Variants in DAB1 observed in about 807,000 individuals in gnomAD.
The protein encoded by DAB1 is disabled homolog 1.
Under a neutral mutation model 64.6 loss-of-function variants are expected in DAB1, and 15 were observed. The observed-to-expected ratio is 0.23, with a 90% CI of 0.16 to 0.36. The LOEUF is 0.36. Ranked by LOEUF, DAB1 falls within the 10% of genes least tolerant of loss-of-function variation. The probability of loss-of-function intolerance (pLI) is 1.00; values close to 1 mark genes in which losing one functional copy is unlikely to be tolerated. For missense variants in DAB1, 596 were observed against 706.7 expected (o/e 0.84, Z 1.78); for synonymous variants, 235 against 251.9 (o/e 0.93, Z 0.64).
intron 5 of DAB1, among the ~76,000 whole-genome samples, chr1:58,104,581 A>C (rs1049130047): frequency 3.3e-5 from 5 of 152,228 alleles, no homozygotes; most frequent in African/African-American, 1.2e-4. Context: ...CAGCCGGTTC[A>C]GAAACAAATT....
chr1:57,606,163 A>T, intron 7 of DAB1: 1 of 359,094 alleles, frequency 2.8e-6, no homozygotes, highest in Non-Finnish European at 5.3e-6. Context: ...GTGAATTGCC[A>T]CCTCCGGCTC....
intron 7 of DAB1, among the ~76,000 whole-genome samples, chr1:57,488,005 C>T (rs867611286): frequency 1.3e-5 from 2 of 152,104 alleles, no homozygotes; most frequent in African/African-American, 4.8e-5. Flanking sequence ...TCTTATATTG[C>T]TATTGAGTAT....
chr1:57,555,632 G>A (rs762517693), intron 7 of DAB1, among the ~76,000 whole-genome samples: 4 of 152,124 alleles, frequency 2.6e-5, no homozygotes, highest in Non-Finnish European at 4.4e-5. Flanking sequence ...GAAAGGAAAA[G>A]CCATGGCTCT....
intron 5 of DAB1, among the ~76,000 whole-genome samples, chr1:58,105,715 G>C (rs1651592450): frequency 6.6e-6 from 1 of 152,160 alleles, no homozygotes; most frequent in Non-Finnish European, 1.5e-5. Context: ...GGCTGTGCAA[G>C]GCACTTAGGA....
intron 7 of DAB1, among the ~76,000 whole-genome samples, chr1:57,475,232 A>C (rs1643921512): frequency 6.6e-6 from 1 of 152,124 alleles, no homozygotes; most frequent in Admixed American, 6.5e-5. Context: ...AGCTGATATC[A>C]TGCCACTGCA....
rs760849045 is a variant in DAB1, at chr1:57,463,022, T to C, written n.626-171856A>G. ...ACCATTAGATCTACAAGAAAAGAAA[T>C]ATAACAATATAATATATAAAATGAA... On this transcript the variant is annotated intron_variant and non_coding_transcript_variant, in intron 7 of 20. Coordinates refer to the DAB1 transcript ENST00000485760. Among the ~76,000 whole-genome samples the C allele has an allele frequency of 3.0e-4, 45 of 152,236 alleles. No individual in the cohort carries two copies. The Middle Eastern group carries it at 0.014, about 46-fold the overall frequency.
chr1:57,607,048 A>G (rs1412696112), intron 7 of DAB1, among the ~76,000 whole-genome samples: 2 of 52,558 alleles, frequency 3.8e-5, no homozygotes, highest in East Asian at 7.3e-4. Context: ...CGGCCTCCCA[A>G]TGTGCTGGGA....
intron 5 of DAB1, among the ~76,000 whole-genome samples, chr1:58,023,795 C>T (rs1185756626): frequency 6.6e-6 from 1 of 152,198 alleles, no homozygotes; most frequent in Non-Finnish European, 1.5e-5. Context: ...TTGGACCCAG[C>T]ATCTAACTAA....
chr1:57,143,781 A>C (rs1226806477), intron 3 of DAB1, among the ~76,000 whole-genome samples: 1 of 151,940 alleles, frequency 6.6e-6, no homozygotes, highest in Non-Finnish European at 1.5e-5. Context: ...CACATTTTAC[A>C]TTTATGCATT....
intron 1 of DAB1, among the ~76,000 whole-genome samples, chr1:57,849,498 C>A (rs1653427264): frequency 6.6e-6 from 1 of 152,130 alleles, no homozygotes; most frequent in Non-Finnish European, 1.5e-5. Context: ...AATTTCAGAT[C>A]CAATAGGATC....
In DAB1 at chr1:57,443,121, CT is replaced by C. The variant is rs1203333589; in HGVS notation, n.626-151956del. 5.3e-5 allele frequency among the ~76,000 whole-genome samples: 8 copies of C among 152,316 alleles called. No individual in the cohort carries two copies. The South Asian group carries it at 6.2e-4, about 12-fold the overall frequency. On this transcript the variant is annotated intron_variant and non_coding_transcript_variant, in intron 7 of 20. Coordinates refer to the DAB1 transcript ENST00000485760. ...TCTTCCAGAAATAAATTAACATAGC[CT>C]GCCAAATTCTAAAAGAGGACACTTA...
intron 11 of DAB1, among the ~76,000 whole-genome samples, chr1:57,018,805 G>A (rs917760521): frequency 6.6e-6 from 1 of 152,172 alleles, no homozygotes; most frequent in African/African-American, 2.4e-5. Context: ...ATGCGTCCTT[G>A]GGGGTCAGCT....
intron 6 of DAB1, among the ~76,000 whole-genome samples, chr1:57,733,074 C>T (rs952031331): frequency 1.1e-4 from 17 of 151,942 alleles, no homozygotes; most frequent in Non-Finnish European, 2.4e-4. Flanking sequence ...GAGCTATATA[C>T]CAAGGACTTG....
At chr1:57,342,165 T>A (rs1677644397) in intron 1 of DAB1, among the ~76,000 whole-genome samples, 1 of 152,208 alleles carries the variant, frequency 6.6e-6, no homozygotes, top group African/African-American at 2.4e-5. Context: ...CCTTTTTGCC[T>A]TTGTGGGAGA....
chr1:58,389,195 T>C (rs192445709), intron 3 of DAB1, among the ~76,000 whole-genome samples: 63 of 152,312 alleles, frequency 4.1e-4, no homozygotes, highest in African/African-American at 1.5e-3. Flanking sequence ...CCCAGTACTT[T>C]GGGAGGCCGA....
intron 6 of DAB1, among the ~76,000 whole-genome samples, chr1:57,767,261 C>T (rs1483474378): frequency 3.9e-5 from 6 of 152,056 alleles, no homozygotes; most frequent in African/African-American, 1.2e-4. Context: ...CAAGAGTCAA[C>T]TCATTAGCAT....
At chr1:58,225,022 A>G (rs376444563) in intron 4 of DAB1, among the ~76,000 whole-genome samples, 266 of 151,242 alleles carry the variant, frequency 1.8e-3, no homozygotes, top group African/African-American at 5.9e-3. Context: ...GAGTGAACAG[A>G]CAACCTACAG....
intron 5 of DAB1, among the ~76,000 whole-genome samples, chr1:58,086,967 A>C (rs1650357269): frequency 6.6e-6 from 1 of 152,114 alleles, no homozygotes; most frequent in African/African-American, 2.4e-5. Context: ...CTTATGGAAT[A>C]ACGGCAAGCT....
chr1:57,564,582 C>A (rs1222766809), intron 7 of DAB1, among the ~76,000 whole-genome samples: 1 of 152,114 alleles, frequency 6.6e-6, no homozygotes, highest in Admixed American at 6.5e-5. Flanking sequence ...GTAGAGAAGT[C>A]CTTAAATGAC....
Sources: allele counts gnomAD v4.1 joint callset (sites outside exome capture counted in the v4.1 genomes callset), GRCh38; gene constraint gnomAD v4.1.1; transcripts MANE v1.5; gene names NCBI Gene and HGNC (gene_info 2026-07-23, HGNC 2026-07-21).